BARD1: variants seen among roughly 807,000 people sequenced by gnomAD.
BARD1 encodes the protein BRCA1 associated RING domain 1.
In BARD1, 73 loss-of-function variants were observed where a neutral mutation model predicts 77.0. The ratio of observed to expected loss-of-function variants is 0.95; its 90% confidence interval spans 0.79 to 1.15. The LOEUF (loss-of-function observed/expected upper bound fraction) is 1.15, where lower values mean the gene tolerates loss of function less well. Among genes scored for constraint, BARD1 ranks in the 50% most tolerant of loss-of-function variants. The probability of loss-of-function intolerance (pLI) is 0.00; values close to 1 mark genes in which losing one functional copy is unlikely to be tolerated. For missense variants in BARD1, 993 were observed against 938.8 expected, an observed-to-expected ratio of 1.06 and a Z score of -0.75; for synonymous variants, 384 against 338.0, an observed-to-expected ratio of 1.14 and a Z score of -1.49.
intron 1 of BARD1, among the ~76,000 whole-genome samples, chr2:214,808,576 A>T (rs534633309): frequency 6.6e-6 from 1 of 152,368 alleles, no homozygotes; most frequent in East Asian, 1.9e-4. Flanking sequence ...AGAAATACTT[A>T]GCTGTACACA....
intron 5 of BARD1, 100 bp downstream of exon 5, chr2:214,769,132 G>A: frequency 1.1e-6 from 1 of 948,976 alleles, no homozygotes; most frequent in Non-Finnish European, 1.7e-6. Context: ...AGACTAAAAA[G>A]AGTATATGTG....
rs146544709 is a variant in BARD1, at chr2:214,735,511, C to T, written c.1904-5003G>A. On this transcript the variant is annotated intron_variant, in intron 9 of 10. Coordinates refer to ENST00000260947, the MANE Select transcript of BARD1 (RefSeq NM_000465.4). ...GTAAGAAAACTCACAAACACAGAAT[C>T]CACAAACAATGAGGATTTACTGTTT... 3.9e-3 allele frequency among the ~76,000 whole-genome samples: 588 copies of T among 152,198 alleles called. 1 individual carries two copies. Among genetic ancestry groups the T allele is most frequent in the African/African-American group, 0.012 (513 of 41,522 alleles).
chr2:214,739,245 A>T (rs895600505), intron 9 of BARD1, among the ~76,000 whole-genome samples: 5 of 150,426 alleles, frequency 3.3e-5, no homozygotes, highest in Non-Finnish European at 7.4e-5. Flanking sequence ...AAATATCCTA[A>T]AAAAAAAAAA....
intron 7 of BARD1, among the ~76,000 whole-genome samples, chr2:214,751,079 CTGTGTGTGTGTG>C (rs760986670): frequency 0.071 from 2,801 of 39,336 alleles, 580 homozygotes; most frequent in East Asian, 0.18. Flanking sequence ...CTGTGAAATT[CTGTGTGTGTGTG>C]TGTGTGTGTG....
intron 1 of BARD1, 135 bp downstream of exon 1, chr2:214,809,277 G>A (rs1215465975): frequency 8.7e-6 from 11 of 1,259,666 alleles, no homozygotes; most frequent in Non-Finnish European, 1.2e-5. Context: ...TCCCCCGGCA[G>A]GTGCTAACCG....
intron 6 of BARD1, among the ~76,000 whole-genome samples, chr2:214,760,779 CT>C (rs398061047): frequency 0.018 from 2,595 of 141,108 alleles, 10 homozygotes; most frequent in Middle Eastern, 0.034. Context: ...GGACTTTTTT[CT>C]TTTTTTTTTT....
At position 214,792,395 on chromosome 2, in the gene BARD1, G is replaced by A. The variant is rs780241203; in HGVS notation, c.266C>T (p.Pro89Leu). ...IGTGCPVCYT[P>L]AWIQDLKINR... ...TATCTTCAAGTCTTGTATCCAGGCC[G>A]GGGTGTAACACACTGGACATCCAGT... The change falls in exon 3 of 11, where the codon CCG (proline) becomes CTG (leucine). Residue 89 changes from proline to leucine, a missense_variant. Physicochemically the swap from Pro to Leu is moderately conservative, Grantham distance 98. Coordinates refer to ENST00000260947, the MANE Select transcript of BARD1 (RefSeq NM_000465.4). The A allele has an allele frequency of 2.3e-5, 37 of 1,611,884 alleles. No individual in the cohort carries two copies. The highest frequency in any genetic ancestry group is 1.6e-4 in the Middle Eastern group (1 of 6,070).
chr2:214,809,330 G>A (rs1392970147), intron 1 of BARD1, 82 bp downstream of exon 1: 6 of 1,573,814 alleles, frequency 3.8e-6, no homozygotes, highest in Non-Finnish European at 5.2e-6. Context: ...GGAGGAAACG[G>A]AAGATTTGAA....
chr2:214,741,492 C>T (rs1264059030), intron 9 of BARD1, among the ~76,000 whole-genome samples: 2 of 152,056 alleles, frequency 1.3e-5, no homozygotes, highest in African/African-American at 2.4e-5. Context: ...CTATGAGATT[C>T]GTAAGATGAC....
At chr2:214,805,542 T>C (rs542521591) in intron 1 of BARD1, among the ~76,000 whole-genome samples, 22 of 152,288 alleles carry the variant, frequency 1.4e-4, no homozygotes, top group African/African-American at 5.3e-4. Flanking sequence ...CATATAGTAT[T>C]TAGTACATAA....
chr2:214,741,369 G>A (rs1472821082), intron 9 of BARD1, among the ~76,000 whole-genome samples: 1 of 152,022 alleles, frequency 6.6e-6, no homozygotes, highest in Non-Finnish European at 1.5e-5. Flanking sequence ...AGAAAAAAAG[G>A]CTAAGATACA....
intron 6 of BARD1, among the ~76,000 whole-genome samples, chr2:214,763,669 C>T (rs984028322): frequency 5.3e-5 from 8 of 152,110 alleles, no homozygotes; most frequent in African/African-American, 1.2e-4. Context: ...AGAGTTCAGG[C>T]CTGGTTATTG....
intron 9 of BARD1, among the ~76,000 whole-genome samples, chr2:214,732,674 C>A (rs536154652): frequency 6.6e-6 from 1 of 152,134 alleles, no homozygotes; most frequent in Non-Finnish European, 1.5e-5. Flanking sequence ...GGATTACAGG[C>A]GTGAACCACC....
chr2:214,780,635 T>A lies in BARD1; in HGVS notation c.1239A>T (p.Ala413=), dbSNP rs765212498. The A allele has an allele frequency of 6.2e-7, 1 of 1,614,124 alleles. No individual in the cohort carries two copies. The highest frequency in any genetic ancestry group is 2.2e-5 in the East Asian group (1 of 44,882). The change falls in exon 4 of 11, where the codon GCA becomes GCT. Residue 413 remains alanine, a synonymous_variant. Transcript: ENST00000260947. ...SYRRVMSSPS[A]MKLLPNMAVK... is the part of the protein sequence containing the mutation. Reference sequence around the variant, plus strand: ...CAGCCATATTGGGCAACAGCTTCATTGCTGAGGGACTAGACATCACTCGCC... The same window carrying A: ...CAGCCATATTGGGCAACAGCTTCATAGCTGAGGGACTAGACATCACTCGCC...
chr2:214,779,431 C>A (rs1559422060), intron 4 of BARD1, among the ~76,000 whole-genome samples: 1 of 152,032 alleles, frequency 6.6e-6, no homozygotes, highest in Non-Finnish European at 1.5e-5. Context: ...TGGCTTTTCT[C>A]CCAAATATTT....
intron 6 of BARD1, among the ~76,000 whole-genome samples, chr2:214,766,498 T>C (rs1331926068): frequency 3.3e-5 from 5 of 152,178 alleles, no homozygotes; most frequent in Admixed American, 2.0e-4. Flanking sequence ...TAAGTAAATT[T>C]TTCCATTAAA....
intron 2 of BARD1, among the ~76,000 whole-genome samples, chr2:214,793,360 T>C (rs1029120576): frequency 2.0e-5 from 3 of 152,220 alleles, no homozygotes; most frequent in Admixed American, 6.5e-5. Flanking sequence ...AAAATGAATC[T>C]GTAACCCATA....
At chr2:214,747,498 C>A (rs1297418286) in intron 7 of BARD1, among the ~76,000 whole-genome samples, 1 of 151,312 alleles carries the variant, frequency 6.6e-6, no homozygotes, top group African/African-American at 2.4e-5. Flanking sequence ...AAATGTGGCA[C>A]ATATATACCA....
intron 2 of BARD1, among the ~76,000 whole-genome samples, chr2:214,795,416 G>C (rs1695714731): frequency 6.6e-6 from 1 of 152,096 alleles, no homozygotes; most frequent in Non-Finnish European, 1.5e-5. Context: ...GTCCCATACA[G>C]GGTTTTGCAG....
Sources: allele counts gnomAD v4.1 joint callset (sites outside exome capture counted in the v4.1 genomes callset), GRCh38; gene constraint gnomAD v4.1.1; transcripts MANE v1.5; gene names NCBI Gene and HGNC (gene_info 2026-07-23, HGNC 2026-07-21).